Variants in CNIH3 observed in about 807,000 individuals in gnomAD.
CNIH3 encodes cornichon family AMPA receptor auxiliary protein 3.
Under a neutral mutation model 24.1 loss-of-function variants are expected in CNIH3, and 14 were observed. The ratio of observed to expected loss-of-function variants is 0.58; its 90% confidence interval spans 0.38 to 0.91. The LOEUF (loss-of-function observed/expected upper bound fraction) is 0.91, where lower values mean the gene tolerates loss of function less well. Among genes scored for constraint, CNIH3 ranks in the 40% least tolerant of loss-of-function variants. The pLI is 0.00. For missense variants in CNIH3, 178 were observed against 196.8 expected (o/e 0.90, Z 0.57); for synonymous variants, 68 against 73.8 (o/e 0.92, Z 0.40).
intron 3 of CNIH3, among the ~76,000 whole-genome samples, chr1:224,686,455 C>T (rs1048082278): frequency 6.6e-6 from 1 of 152,054 alleles, no homozygotes; most frequent in African/African-American, 2.4e-5. Flanking sequence ...TGAATAGTGC[C>T]CCAGTAAACA....
intron 2 of CNIH3, among the ~76,000 whole-genome samples, chr1:224,523,445 A>G (rs966458429): frequency 5.3e-5 from 8 of 152,218 alleles, no homozygotes; most frequent in Admixed American, 5.2e-4. Flanking sequence ...GCTTGATATG[A>G]TGAAATACCA....
intron 1 of CNIH3, among the ~76,000 whole-genome samples, chr1:224,456,598 A>G (rs1675671263): frequency 6.6e-6 from 1 of 152,018 alleles, no homozygotes; most frequent in South Asian, 2.1e-4. Flanking sequence ...TTTTGTAGAG[A>G]TAGGATTGTA....
At chr1:224,633,845 C>T (rs1683948747) in intron 1 of CNIH3, among the ~76,000 whole-genome samples, 1 of 152,252 alleles carries the variant, frequency 6.6e-6, no homozygotes, top group Non-Finnish European at 1.5e-5. Flanking sequence ...ATAATCACTG[C>T]TTCGGCTCTT....
downstream of CNIH3, among the ~76,000 whole-genome samples, chr1:224,590,796 C>CT (rs1170739828): frequency 6.6e-6 from 1 of 151,882 alleles, no homozygotes; most frequent in Non-Finnish European, 1.5e-5. Flanking sequence ...TTTGGCCCTT[C>CT]TTCCCCACCG....
intron 1 of CNIH3, among the ~76,000 whole-genome samples, chr1:224,505,032 C>CCCTTCCTCCCTCCCTCCCTTCCTTCCTT (rs1677847926): frequency 1.5e-4 from 7 of 45,822 alleles, no homozygotes; most frequent in Admixed American, 7.1e-4. Flanking sequence ...CTCCCTCCCT[C>CCCTTCCTCCCTCCCTCCCTTCCTTCCTT]CCTTCCTTCC....
chr1:224,670,903 G>A (rs1241385878), intron 1 of CNIH3, among the ~76,000 whole-genome samples: 1 of 152,258 alleles, frequency 6.6e-6, no homozygotes, highest in Non-Finnish European at 1.5e-5. Flanking sequence ...GGATGTTTCT[G>A]TGAGGGTGTT....
chr1:224,462,257 A>G (rs999646109), intron 1 of CNIH3, among the ~76,000 whole-genome samples: 1 of 152,198 alleles, frequency 6.6e-6, no homozygotes, highest in Non-Finnish European at 1.5e-5. Context: ...GGTTTGGACA[A>G]ACCTTTAATG....
At chr1:224,627,868 T>G (rs1572615573) in intron 1 of CNIH3, among the ~76,000 whole-genome samples, 1 of 152,124 alleles carries the variant, frequency 6.6e-6, no homozygotes, top group African/African-American at 2.4e-5. Context: ...GGACACGGGC[T>G]CTGAGAACAG....
intron 1 of CNIH3, among the ~76,000 whole-genome samples, chr1:224,510,855 G>A (rs1217974015): frequency 6.6e-6 from 1 of 152,162 alleles, no homozygotes; most frequent in East Asian, 1.9e-4. Flanking sequence ...GATGGTAACA[G>A]GTTGTCCCCT....
At chr1:224,513,186 T>G (rs917311850), upstream of CNIH3, among the ~76,000 whole-genome samples, 1 of 152,050 alleles carries the variant, frequency 6.6e-6, no homozygotes, top group Non-Finnish European at 1.5e-5. Context: ...AAACAGTGGA[T>G]CTTGCTCTGT....
At position 224,461,135 on chromosome 1, in the gene CNIH3, T is replaced by C. The variant is rs1225996856; in HGVS notation, n.203+26273T>C. ...CTTGTGCGTTGGCTTCCCGAGTAGC[T>C]GGGACTACAGGCGCCCACCACCACA... On this transcript the variant is annotated intron_variant and non_coding_transcript_variant, in intron 1 of 5. Coordinates refer to the CNIH3 transcript ENST00000471578. Among the ~76,000 whole-genome samples the C allele has an allele frequency of 7.2e-5, 11 of 152,076 alleles. No individual in the cohort carries two copies. In the East Asian group the frequency reaches 2.1e-3, roughly 29 times the overall value.
intron 2 of CNIH3, among the ~76,000 whole-genome samples, chr1:224,529,663 A>C (rs1678985428): frequency 6.6e-6 from 1 of 152,190 alleles, no homozygotes; most frequent in Admixed American, 6.5e-5. Context: ...AGTTGGTAGG[A>C]TAGGACATAC....
At chr1:224,558,770 G>C (rs1680246486) in intron 3 of CNIH3, among the ~76,000 whole-genome samples, 4 of 152,224 alleles carry the variant, frequency 2.6e-5, no homozygotes, top group African/African-American at 7.2e-5. Context: ...AGTCACAGGG[G>C]AGAGATGTGG....
At chr1:224,709,312 G>T (rs1452609647) in intron 3 of CNIH3, among the ~76,000 whole-genome samples, 1 of 152,174 alleles carries the variant, frequency 6.6e-6, no homozygotes, top group Non-Finnish European at 1.5e-5. Flanking sequence ...ACCATCTTGG[G>T]CATCTTTACC....
At chr1:224,629,549 G>A (rs530339929) in intron 1 of CNIH3, among the ~76,000 whole-genome samples, 2 of 152,224 alleles carry the variant, frequency 1.3e-5, no homozygotes, top group African/African-American at 2.4e-5. Flanking sequence ...CTTTGTCGAC[G>A]AACACTGGGT....
chr1:224,663,252 G>T (rs61674651), intron 1 of CNIH3, among the ~76,000 whole-genome samples: 2 of 152,052 alleles, frequency 1.3e-5, no homozygotes, highest in Admixed American at 6.6e-5. Flanking sequence ...GGGTATGGCC[G>T]TAGACTTTCC....
chr1:224,467,404 A>G (rs1676191616), intron 1 of CNIH3, among the ~76,000 whole-genome samples: 1 of 151,884 alleles, frequency 6.6e-6, no homozygotes, highest in Admixed American at 6.6e-5. Flanking sequence ...CAATTTATCA[A>G]GTTTTCCTGG....
rs1682332870 is a variant in CNIH3 at position 224,604,505 on chromosome 1, A to C, written n.402+38241A>C. Among the ~76,000 whole-genome samples the C allele has an allele frequency of 6.6e-6, 1 of 152,170 alleles. No homozygotes were observed. ...GAGGCTGAGATGGAGCCTCTGAAGAAGGGACCCCTACGCCGCTTTGTGCCA... is the reference window on the plus strand; with the variant it reads ...GAGGCTGAGATGGAGCCTCTGAAGACGGGACCCCTACGCCGCTTTGTGCCA... On this transcript the variant is annotated intron_variant and non_coding_transcript_variant, in intron 3 of 7. Transcript: ENST00000478120. This position sits in a 1 kb window ranked among gnomAD's most constrained non-coding sequence, Gnocchi z 4.4.
chr1:224,594,159 T>G (rs1681878021), intron 3 of CNIH3, among the ~76,000 whole-genome samples: 1 of 152,192 alleles, frequency 6.6e-6, no homozygotes, highest in African/African-American at 2.4e-5. Flanking sequence ...TATATTTATT[T>G]TGCCACAATA....
Sources: gnomAD v4.1 joint callset for allele counts (sites outside exome capture counted in the v4.1 genomes callset) on GRCh38, gnomAD v4.1.1 for gene constraint, Gnocchi (gnomAD v3.1) non-coding constraint, MANE v1.5 for transcripts, NCBI Gene and HGNC (gene_info 2026-07-23, HGNC 2026-07-21) for gene names.